The following TEX11 variants were observed in gnomAD, a reference collection of about 807,000 sequenced individuals.
The protein encoded by TEX11 is testis-expressed protein 11.
A neutral mutation model predicts 84.4 loss-of-function variants in TEX11; 7 were observed. The ratio of observed to expected loss-of-function variants is 0.08; its 90% CI spans 0.05 to 0.16. The LOEUF (loss-of-function observed/expected upper bound fraction) is 0.16, where lower values mean the gene tolerates loss of function less well. Among genes scored for constraint, TEX11 ranks in the 10% least tolerant of loss-of-function variants. The probability of loss-of-function intolerance (pLI) is 1.00; values close to 1 mark genes in which losing one functional copy is unlikely to be tolerated. For missense variants in TEX11, 551 were observed against 660.5 expected (o/e 0.83, Z 1.82); for synonymous variants, 264 against 222.8 (o/e 1.18, Z -1.64).
At chrX:70,528,223 G>C (rs1265779013), downstream of TEX11, among the ~76,000 whole-genome samples, 1 of 112,307 alleles carries the variant, frequency 8.9e-6, no homozygotes, top group Non-Finnish European at 1.9e-5. Context: ...TTGTTACAGG[G>C]AGACAGACTT....
At chrX:70,666,393 G>A (rs896619098) in intron 16 of TEX11, among the ~76,000 whole-genome samples, 1 of 112,120 alleles carries the variant, frequency 8.9e-6, no homozygotes, top group African/African-American at 3.2e-5. Context: ...TCATGGCTAG[G>A]AAGCAGCAAG....
intron 25 of TEX11, among the ~76,000 whole-genome samples, chrX:70,582,052 T>A (rs1262279587): frequency 3.6e-5 from 4 of 111,844 alleles, no homozygotes; most frequent in Non-Finnish European, 7.5e-5. Context: ...ACAGAAAAAA[T>A]TAAATATATT....
At chrX:70,750,828 G>A (rs1168563056) in intron 9 of TEX11, among the ~76,000 whole-genome samples, 2 of 96,217 alleles carry the variant, frequency 2.1e-5, no homozygotes, top group Admixed American at 1.2e-4. Flanking sequence ...GCTAGATGAC[G>A]AGTTAGTGGG....
chrX:70,542,092 A>G (rs1490264158), intron 28 of TEX11, among the ~76,000 whole-genome samples: 2 of 111,108 alleles, frequency 1.8e-5, no homozygotes, highest in Non-Finnish European at 3.8e-5. Flanking sequence ...AACGGACTGA[A>G]TGTTTGTGTC....
intron 5 of TEX11, among the ~76,000 whole-genome samples, chrX:70,860,410 CTAAG>C (rs1213727126): frequency 8.9e-6 from 1 of 111,761 alleles, no homozygotes; most frequent in Admixed American, 9.5e-5. Context: ...AAAGAGAAAA[CTAAG>C]TAATCTTCCA....
intron 16 of TEX11, among the ~76,000 whole-genome samples, chrX:70,665,616 G>T (rs904130115): frequency 2.7e-5 from 3 of 111,664 alleles, no homozygotes; most frequent in African/African-American, 9.8e-5. Flanking sequence ...CCAAAGAAAT[G>T]ATCTATAATT....
At chrX:70,598,627 A>G (rs550116780) in intron 24 of TEX11, among the ~76,000 whole-genome samples, 1 of 112,445 alleles carries the variant, frequency 8.9e-6, no homozygotes, top group East Asian at 2.8e-4. Context: ...ATGTCCATCA[A>G]TGGATGAATG....
intron 25 of TEX11, among the ~76,000 whole-genome samples, chrX:70,579,144 A>C (rs1223980689): frequency 9.0e-6 from 1 of 110,848 alleles, no homozygotes; most frequent in Non-Finnish European, 1.9e-5. Flanking sequence ...GAGAATCCAG[A>C]ATTAAGGTAT....
intron 2 of TEX11, 37 bp downstream of exon 2, chrX:70,907,716 T>C (rs768243846): frequency 1.9e-6 from 2 of 1,053,017 alleles, no homozygotes; most frequent in African/African-American, 1.8e-5. Context: ...AAGCAGCAGT[T>C]TGACACTATT....
At chrX:70,787,171 T>G (rs1366243802) in intron 9 of TEX11, among the ~76,000 whole-genome samples, 1 of 111,593 alleles carries the variant, frequency 9.0e-6, no homozygotes, top group Admixed American at 9.5e-5. Context: ...AATTCAACAT[T>G]TTTTCATTAT....
chrX:70,516,262 A>G, the TEX11 span, among the ~76,000 whole-genome samples: 3 of 111,358 alleles, frequency 2.7e-5, no homozygotes, highest in Non-Finnish European at 5.7e-5. Flanking sequence ...TAGGTCTAAC[A>G]TTTAAGTCTT....
At chrX:70,825,131 G>A (rs903684163) in intron 8 of TEX11, among the ~76,000 whole-genome samples, 3 of 109,962 alleles carry the variant, frequency 2.7e-5, no homozygotes, top group Non-Finnish European at 5.7e-5. Context: ...GGCCAACATG[G>A]CGAAACCCTG....
At position 70,629,708 on chromosome X, in the gene TEX11, T is replaced by G. The variant is rs147097227; in HGVS notation, c.1511A>C (p.Asn504Thr). 23 of 1,177,664 alleles carry G rather than the reference T, an allele frequency of 2.0e-5. No homozygotes were observed. The highest frequency in any genetic ancestry group is 2.5e-5 in the Non-Finnish European group (22 of 872,140). The stretch of plus-strand genomic sequence containing the variant: ...TTCTGACTCTTCATCTGTTAATATA[T>G]TCTCTAAAGTAATTATTGCCTGCAA... ...RALQAIITLE[N>T]ILTDEESEDN... Residue 504 changes from asparagine to threonine, a missense_variant, in exon 18 of 30, where the codon AAT (asparagine) becomes ACT (threonine). By Grantham distance (65) the Asn-to-Thr change is moderately conservative. Transcript: ENST00000374333.
intron 2 of TEX11, among the ~76,000 whole-genome samples, chrX:70,904,995 T>C (rs2091821966): frequency 8.9e-6 from 1 of 112,137 alleles, no homozygotes; most frequent in Non-Finnish European, 1.9e-5. Flanking sequence ...GAGCCTCACC[T>C]ACCAGTAGCT....
At chrX:70,901,494 C>A (rs1602224692) in intron 2 of TEX11, among the ~76,000 whole-genome samples, 1 of 111,617 alleles carries the variant, frequency 9.0e-6, no homozygotes, top group Non-Finnish European at 1.9e-5. Context: ...AATTTTTCCA[C>A]GGATGGTGGG....
chrX:70,801,159 A>G (rs2091185134), intron 9 of TEX11, among the ~76,000 whole-genome samples: 1 of 110,957 alleles, frequency 9.0e-6, no homozygotes, highest in South Asian at 3.9e-4. Flanking sequence ...CTTCAAAGTC[A>G]TATCTGTCCA....
chrX:70,899,076 G>C (rs141176692), intron 2 of TEX11, among the ~76,000 whole-genome samples: 1 of 111,977 alleles, frequency 8.9e-6, no homozygotes, highest in African/African-American at 3.2e-5. Flanking sequence ...TTAATCTGAG[G>C]ATCCCATTGT....
intron 9 of TEX11, among the ~76,000 whole-genome samples, chrX:70,784,732 G>T (rs1330392145): frequency 2.7e-5 from 3 of 111,357 alleles, no homozygotes; most frequent in Admixed American, 9.7e-5. Flanking sequence ...CACAATTGCT[G>T]CAAAGAGAAT....
intron 25 of TEX11, among the ~76,000 whole-genome samples, chrX:70,558,738 A>T (rs898538255): frequency 2.7e-5 from 3 of 111,774 alleles, no homozygotes; most frequent in African/African-American, 9.7e-5. Context: ...GCCTAATGAA[A>T]AATTGGGAAA....
Sources: allele counts gnomAD v4.1 joint callset (sites outside exome capture counted in the v4.1 genomes callset), GRCh38; gene constraint gnomAD v4.1.1; transcripts MANE v1.5; gene names NCBI Gene and HGNC (gene_info 2026-07-23, HGNC 2026-07-21).